Variants in SFMBT2 observed in about 807,000 individuals in gnomAD.
SFMBT2 encodes the protein Scm like with four mbt domains 2, also known as scm-like with four MBT domains protein 2.
SFMBT2 carries 38 observed loss-of-function variants against 110.1 expected under a neutral mutation model. The observed-to-expected ratio is 0.35, with a 90% CI of 0.27 to 0.45. SFMBT2 has a LOEUF of 0.45. Among genes scored for constraint, SFMBT2 ranks in the 20% least tolerant of loss-of-function variants. SFMBT2 has a pLI of 1.00. For missense variants in SFMBT2, 1,011 were observed against 1,094.9 expected (o/e 0.92, Z 1.08); for synonymous variants, 425 against 425.4 (o/e 1.00, Z 0.01).
At chr10:7,334,861 G>C (rs72775547) in intron 4 of SFMBT2, among the ~76,000 whole-genome samples, 11,001 of 152,218 alleles carry the variant, frequency 0.072, 523 homozygotes, top group Non-Finnish European at 0.11. Context: ...TGAAGTTCCA[G>C]GACGACAGGA....
intron 7 of SFMBT2, among the ~76,000 whole-genome samples, chr10:7,258,605 T>C (rs1426136389): frequency 6.6e-6 from 1 of 152,220 alleles, no homozygotes; most frequent in Non-Finnish European, 1.5e-5. Flanking sequence ...TAGTTAGTAT[T>C]ACATTCAAAT....
intron 9 of SFMBT2, among the ~76,000 whole-genome samples, chr10:7,230,956 A>C (rs1181328040): frequency 6.6e-6 from 1 of 152,166 alleles, no homozygotes; most frequent in Admixed American, 6.5e-5. Flanking sequence ...AAAAATAAAT[A>C]AAATAAAGTA....
In SFMBT2 at chr10:7,214,458, A is replaced by G. The variant is rs1032972910; in HGVS notation, c.1330+5953T>C. On this transcript the variant is annotated intron_variant, in intron 11 of 20. Coordinates refer to ENST00000397167, the MANE Select transcript of SFMBT2 (RefSeq NM_001387889.1). ...CAGATAAATGGGAAGATGCCACCGG[A>G]CAATTGCAGAGTGACGCATTTCTTA... 9.0e-6 allele frequency: 6 copies of G among 663,620 alleles called. No homozygotes were observed. The African/African-American group carries it at 1.2e-4, about 13-fold the overall frequency. 41.1% of individuals were successfully genotyped at this position (663,620 alleles called of 1,614,324 possible).
chr10:7,285,732 G>T (rs1282113932), intron 5 of SFMBT2, 134 bp downstream of exon 5: 3 of 670,718 alleles, frequency 4.5e-6, no homozygotes, highest in South Asian at 1.7e-5. Flanking sequence ...AAAGAGGAAG[G>T]GAGGCTATTT....
chr10:7,211,123 C>T (rs1459129609), intron 11 of SFMBT2, among the ~76,000 whole-genome samples: 1 of 152,086 alleles, frequency 6.6e-6, no homozygotes, highest in Non-Finnish European at 1.5e-5. Flanking sequence ...CTGGGCAGTC[C>T]AGCTCCAGAG....
intron 11 of SFMBT2, among the ~76,000 whole-genome samples, chr10:7,207,236 G>A (rs1839166855): frequency 6.6e-6 from 1 of 151,794 alleles, no homozygotes; most frequent in Admixed American, 6.6e-5. Context: ...GCAGGCACCT[G>A]TAAGTCCTAG....
rs182880238 is a variant in SFMBT2, at chr10:7,325,891, G to C, written c.437-39937C>G. Among the ~76,000 whole-genome samples, 1,039 of 152,286 alleles carry C rather than the reference G, an allele frequency of 6.8e-3. 16 individuals are homozygous for C. The highest frequency in any genetic ancestry group is 0.024 in the African/African-American group (988 of 41,538). On this transcript the variant is annotated intron_variant, in intron 4 of 20. Transcript: ENST00000397167. ...ATTGTACACTTTAAGTGGGTGAATT[G>C]CATAGTATGTAAATTATATCTCAAT... is the stretch of plus-strand genomic sequence containing the variant.
At chr10:7,211,856 T>C (rs1839360109) in intron 11 of SFMBT2, among the ~76,000 whole-genome samples, 1 of 152,226 alleles carries the variant, frequency 6.6e-6, no homozygotes, top group Admixed American at 6.5e-5. Flanking sequence ...CTTAAGGGGC[T>C]GTGTTCTGCA....
intron 4 of SFMBT2, among the ~76,000 whole-genome samples, chr10:7,355,085 A>C (rs1234363151): frequency 6.6e-6 from 1 of 152,242 alleles, no homozygotes; most frequent in African/African-American, 2.4e-5. Context: ...ATAAAATATC[A>C]CTATACCCAG....
At chr10:7,323,013 G>A (rs1843244715) in intron 4 of SFMBT2, among the ~76,000 whole-genome samples, 2 of 152,076 alleles carry the variant, frequency 1.3e-5, no homozygotes, top group African/African-American at 4.8e-5. Flanking sequence ...CAACCTAAAT[G>A]TCTAACATGA....
chr10:7,168,858 GTC>G (rs1457818368), intron 20 of SFMBT2, among the ~76,000 whole-genome samples: 1 of 152,246 alleles, frequency 6.6e-6, no homozygotes, highest in Non-Finnish European at 1.5e-5. Context: ...GTCTAAGGAA[GTC>G]TCTCCCTGGT....
At chr10:7,396,343 A>C (rs912347814) in intron 1 of SFMBT2, among the ~76,000 whole-genome samples, 1 of 152,240 alleles carries the variant, frequency 6.6e-6, no homozygotes, top group Admixed American at 6.5e-5. Flanking sequence ...GGAAACCCCA[A>C]CGTTAGTGAA....
intron 20 of SFMBT2, among the ~76,000 whole-genome samples, chr10:7,164,787 ACACAC>A (rs1837653068): frequency 7.5e-6 from 1 of 132,660 alleles, no homozygotes; most frequent in Non-Finnish European, 1.6e-5. Context: ...ACACACACAC[ACACAC>A]CATTTACAGA....
chr10:7,360,037 T>C (rs1588479142), intron 4 of SFMBT2, among the ~76,000 whole-genome samples: 1 of 152,208 alleles, frequency 6.6e-6, no homozygotes, highest in East Asian at 1.9e-4. Flanking sequence ...CAAAAGGATG[T>C]TCTGAGGATT....
intron 4 of SFMBT2, among the ~76,000 whole-genome samples, chr10:7,319,462 C>A (rs1199481037): frequency 6.6e-6 from 1 of 152,184 alleles, no homozygotes; most frequent in East Asian, 1.9e-4. Flanking sequence ...TGACCTAGAT[C>A]TTGGGGAAAA....
chr10:7,328,344 T>C (rs1307118414), intron 4 of SFMBT2, among the ~76,000 whole-genome samples: 1 of 152,236 alleles, frequency 6.6e-6, no homozygotes, highest in Non-Finnish European at 1.5e-5. Flanking sequence ...GTTTTAAGAG[T>C]CCATTTTATT....
At chr10:7,372,237 A>T (rs1376400688) in intron 2 of SFMBT2, among the ~76,000 whole-genome samples, 1 of 152,156 alleles carries the variant, frequency 6.6e-6, no homozygotes, top group African/African-American at 2.4e-5. Flanking sequence ...TTTTTGAATT[A>T]TAAGTAGGAA....
intron 15 of SFMBT2, among the ~76,000 whole-genome samples, 161 bp from the exon 16 acceptor site, chr10:7,188,894 C>T (rs1838508439): frequency 6.6e-6 from 1 of 152,220 alleles, no homozygotes; most frequent in Admixed American, 6.5e-5. Context: ...ACTTGCCAGG[C>T]TAACACTGAG....
chr10:7,396,921 G>A (rs1489963765), intron 1 of SFMBT2, among the ~76,000 whole-genome samples: 3 of 128,540 alleles, frequency 2.3e-5, no homozygotes, highest in Non-Finnish European at 4.9e-5. Context: ...GGGGGGAGGG[G>A]GGAGGGATAG....
Sources: allele counts gnomAD v4.1 joint callset (sites outside exome capture counted in the v4.1 genomes callset), GRCh38; gene constraint gnomAD v4.1.1; transcripts MANE v1.5; gene names NCBI Gene and HGNC (gene_info 2026-07-23, HGNC 2026-07-21).